SLC22A13: variants seen among roughly 807,000 people sequenced by gnomAD.
SLC22A13 encodes the protein solute carrier family 22 member 13.
A neutral mutation model predicts 49.1 loss-of-function variants in SLC22A13; 42 were observed. That is an observed-to-expected ratio of 0.85 (90% confidence interval 0.67 to 1.11). The LOEUF (loss-of-function observed/expected upper bound fraction) is 1.11. Ranked by LOEUF, SLC22A13 falls within the 50% of genes least tolerant of loss-of-function variation. The probability of loss-of-function intolerance (pLI) is 0.00; values close to 1 mark genes in which losing one functional copy is unlikely to be tolerated. For missense variants in SLC22A13, 694 were observed against 712.8 expected (o/e 0.97, Z 0.30); for synonymous variants, 282 against 293.1 (o/e 0.96, Z 0.39).
Position 38,277,633 on chromosome 3 carries a change from TG to T in SLC22A13, c.*171del. 1 of 549,522 alleles carries T rather than the reference TG, an allele frequency of 1.8e-6. No individual in the cohort carries two copies. The highest frequency in any genetic ancestry group is 3.0e-5 in the East Asian group (1 of 32,874). The allele number at this position is 549,522 out of a possible 1,614,324, so 34.0% of individuals were successfully genotyped here. On this transcript the variant is annotated 3_prime_UTR_variant, in exon 10 of 10. Transcript: ENST00000311856. ...CCTCCTGCCGAGTCCAATCCCAGAC[TG>T]GGAACCACCATCTGAGACAGGACCT... is the stretch of plus-strand genomic sequence containing the variant.
rs752503945 is a variant in SLC22A13 at position 38,275,570 on chromosome 3, C to T, written c.928-8C>T. On this transcript the variant is annotated splice_region_variant and splice_polypyrimidine_tract_variant and intron_variant, in intron 5 of 9. Coordinates refer to ENST00000311856, the MANE Select transcript of SLC22A13 (RefSeq NM_004256.4). The stretch of plus-strand genomic sequence containing the variant: ...TGCCTGGCTTCTCACTCTGCTTCTT[C>T]CTCCCAGCTGGTCCCAGAGAAGACA... 1.8e-5 allele frequency: 29 copies of T among 1,613,940 alleles called. No homozygotes were observed. The South Asian group carries it at 3.2e-4, about 18-fold the overall frequency.
intron 1 of SLC22A13, among the ~76,000 whole-genome samples, chr3:38,273,115 G>A (rs1703538940): frequency 6.6e-6 from 1 of 152,156 alleles, no homozygotes; most frequent in African/African-American, 2.4e-5. Flanking sequence ...CTCACATGAC[G>A]GTTCCCCAAC....
intron 1 of SLC22A13, 118 bp downstream of exon 1, chr3:38,266,356 G>A: frequency 1.7e-6 from 2 of 1,170,344 alleles, no homozygotes; most frequent in Non-Finnish European, 2.4e-6. Context: ...GGTCAACCAT[G>A]GGCACATATG....
In SLC22A13 at chr3:38,274,630, C is replaced by A. The variant is rs751044530; in HGVS notation, c.509C>A (p.Ala170Glu). The change falls in exon 3 of 10, where the codon GCG (alanine) becomes GAG (glutamate). Residue 170 changes from alanine to glutamate, a missense_variant. Ala to Glu is a moderately radical substitution (Grantham distance 107). Transcript: ENST00000311856. Reference protein sequence around the residue: ...DRIGRKATILAQLLLFTLIGL... With the variant: ...DRIGRKATILEQLLLFTLIGL... ...ATTGGCCGCAAGGCCACAATCCTGGCGCAGCTGCTCCTCTTCACCCTCATC... is the reference window on the plus strand; with the variant it reads ...ATTGGCCGCAAGGCCACAATCCTGGAGCAGCTGCTCCTCTTCACCCTCATC... 15 of 1,613,946 alleles carry A rather than the reference C, an allele frequency of 9.3e-6. No individual in the cohort carries two copies. The highest frequency in any genetic ancestry group is 1.7e-4 in the Middle Eastern group (1 of 6,056).
intron 1 of SLC22A13, among the ~76,000 whole-genome samples, chr3:38,271,700 C>G (rs932101884): frequency 2.0e-5 from 3 of 152,062 alleles, no homozygotes; most frequent in Non-Finnish European, 4.4e-5. Flanking sequence ...AAAGAACAAC[C>G]ATTTCTGGGG....
intron 1 of SLC22A13, chr3:38,270,497 A>G (rs1703508697): frequency 9.2e-6 from 2 of 216,464 alleles, no homozygotes; most frequent in Non-Finnish European, 9.9e-6. Flanking sequence ...TTTCTTTCAC[A>G]TTTTTGAATG....
chr3:38,276,215 A>G (rs1159600423), intron 7 of SLC22A13, 72 bp from the exon 8 acceptor site: 1 of 1,494,364 alleles, frequency 6.7e-7, no homozygotes, highest in Non-Finnish European at 9.2e-7. Context: ...TTGGGTACAG[A>G]AGGGGTGGGG....
rs755410164 is a variant in SLC22A13 at position 38,275,694 on chromosome 3, A to G, written c.1022+22A>G. On this transcript the variant is annotated intron_variant, in intron 6 of 9. Transcript: ENST00000311856. ...TCTGGTGAGTGCCCAGAACCCGAGG[A>G]CAGAACCACAGGGCTGCAGCCTCCC... is the stretch of plus-strand genomic sequence containing the variant. 6 of 1,608,062 alleles carry G rather than the reference A, an allele frequency of 3.7e-6. No homozygotes were observed. In the African/African-American group the frequency reaches 6.7e-5, roughly 18 times the overall value.
chr3:38,277,009 A>G lies in SLC22A13; in HGVS notation c.1444A>G (p.Met482Val). ...LLGEYHAALP[M>V]LIYGSLPIVA... ...GGGAGAGTACCACGCTGCCCTCCCC[A>G]TGCTCATCTACGGCAGCCTCCCCAT... Residue 482 changes from methionine to valine, a missense_variant, in exon 9 of 10, where the codon ATG (methionine) becomes GTG (valine). Physicochemically the swap from Met to Val is conservative, Grantham distance 21 (BLOSUM62 1). Transcript: ENST00000311856. 3 of 1,610,658 alleles carry G rather than the reference A, an allele frequency of 1.9e-6. No individual in the cohort carries two copies. Among genetic ancestry groups the G allele is most frequent in the Non-Finnish European group, 2.5e-6 (3 of 1,178,572 alleles).
rs746697760 is a variant in SLC22A13, at chr3:38,276,386, C to A, written c.1337C>A (p.Thr446Asn). The A allele has an allele frequency of 2.5e-6, 4 of 1,608,422 alleles. No individual in the cohort carries two copies. The highest frequency in any genetic ancestry group is 1.7e-6 in the Non-Finnish European group (2 of 1,176,150). The change falls in exon 8 of 10, where the codon ACC becomes AAC. Residue 446 changes from threonine to asparagine, a missense_variant. Physicochemically the swap from Thr to Asn is moderately conservative, Grantham distance 65 (BLOSUM62 0). Transcript: ENST00000311856. Reference protein sequence around the residue: ...SYVYSAELFPTILRQTGMGLV... With the variant: ...SYVYSAELFPNILRQTGMGLV... ...GTGTACTCTGCCGAGCTTTTCCCCA[C>A]CATCCTCCGGTAAGAGCTGCAGTGT...
In SLC22A13 at chr3:38,265,920, G is replaced by A. The variant is rs760415018; in HGVS notation, c.60G>A (p.Gln20=). ...GTGACTTTGGTCGCTTCCAGATACA[G>A]CTATTGATCCTGCTGTGTGTTCTCA... is the stretch of plus-strand genomic sequence containing the variant. ...EIGDFGRFQI[Q]LLILLCVLNF... is the part of the protein sequence containing the mutation. Residue 20 remains glutamine (Q), a synonymous_variant, in exon 1 of 10, where the codon CAG becomes CAA. Coordinates refer to ENST00000311856, the MANE Select transcript of SLC22A13 (RefSeq NM_004256.4). 5 of 1,614,110 alleles carry A rather than the reference G, an allele frequency of 3.1e-6. No homozygotes were observed. Among genetic ancestry groups the A allele is most frequent in the Non-Finnish European group, 4.2e-6 (5 of 1,179,980 alleles).
intron 2 of SLC22A13, 114 bp downstream of exon 2, chr3:38,274,489 A>G: frequency 7.0e-7 from 1 of 1,435,264 alleles, no homozygotes; most frequent in Non-Finnish European, 9.7e-7. Flanking sequence ...TCTTCCCCCT[A>G]CCCTCAAATG....
In SLC22A13 at chr3:38,276,982, C is replaced by T. The variant is rs1378374254; in HGVS notation, c.1417C>T (p.Leu473=). ...CATCCTCACACCACTTGTGATCCTG[C>T]TGGGAGAGTACCACGCTGCCCTCCC... is the stretch of plus-strand genomic sequence containing the variant. ...GGILTPLVIL[L]GEYHAALPML... The change falls in exon 9 of 10, where the codon CTG becomes TTG. Residue 473 remains leucine (L), a synonymous_variant. Transcript: ENST00000311856. 3.1e-6 allele frequency: 5 copies of T among 1,613,484 alleles called. No homozygotes were observed. The highest frequency in any genetic ancestry group is 4.2e-6 in the Non-Finnish European group (5 of 1,179,796).
At position 38,275,074 on chromosome 3, in the gene SLC22A13, G is replaced by A. The variant is rs749694168; in HGVS notation, c.723G>A (p.Ala241=). 2.2e-5 allele frequency: 35 copies of A among 1,614,122 alleles called. No homozygotes were observed. The highest frequency in any genetic ancestry group is 5.0e-5 in the Admixed American group (3 of 60,010). The stretch of plus-strand genomic sequence containing the variant: ...TCTCCCTCGGGCAGATGGTGCTTGC[G>A]GGACTCGCCTACGGTTTCCGCAACT... The part of the protein sequence containing the change: ...CNFSLGQMVL[A]GLAYGFRNWR... Residue 241 remains alanine (A), a synonymous_variant, in exon 4 of 10, where the codon GCG becomes GCA. Transcript: ENST00000311856.
Position 38,275,999 on chromosome 3 carries a change from C to T in SLC22A13, c.1140C>T (p.Ser380=), listed in dbSNP as rs143239250. The T allele has an allele frequency of 7.7e-5, 124 of 1,614,094 alleles. No individual in the cohort carries two copies. The highest frequency in any genetic ancestry group is 9.5e-5 in the Non-Finnish European group (112 of 1,180,036). ...GAVEVPARCS[S]IFMMQRFGRK... ...TTGAGGTGCCTGCCCGCTGTTCCAG[C>T]ATCTTCATGATGCAGAGGTTTGGCC... Residue 380 remains serine (S), a synonymous_variant, in exon 7 of 10, where the codon AGC becomes AGT. Transcript: ENST00000311856.
intron 1 of SLC22A13, among the ~76,000 whole-genome samples, chr3:38,272,578 C>A (rs2125863304): frequency 6.6e-6 from 1 of 152,338 alleles, no homozygotes; most frequent in East Asian, 1.9e-4. Flanking sequence ...CAAAGGCAAT[C>A]TGTGGCTGCT....
chr3:38,274,122 T>C, intron 1 of SLC22A13, 150 bp from the exon 2 acceptor site: 1 of 631,674 alleles, frequency 1.6e-6, no homozygotes, highest in Non-Finnish European at 2.9e-6. Flanking sequence ...CCTGCCATGC[T>C]CAGTGAGTTC....
intron 1 of SLC22A13, among the ~76,000 whole-genome samples, chr3:38,272,057 T>A (rs1266621485): frequency 6.6e-6 from 1 of 152,216 alleles, no homozygotes; most frequent in African/African-American, 2.4e-5. Context: ...AGCTCAGGCA[T>A]ATCTCGGCGC....
Position 38,275,031 on chromosome 3 carries a change from T to A in SLC22A13, c.680T>A (p.Val227Asp). The A allele has an allele frequency of 6.2e-7, 1 of 1,614,222 alleles. No individual in the cohort carries two copies. Among genetic ancestry groups the A allele is most frequent in the Admixed American group, 1.7e-5 (1 of 60,034 alleles). The change falls in exon 4 of 10, where the codon GTC becomes GAC. Residue 227 changes from valine to aspartate, a missense_variant. Val to Asp is a radical substitution (Grantham distance 152). Coordinates refer to ENST00000311856, the MANE Select transcript of SLC22A13 (RefSeq NM_004256.4). ...VGPSWRTQAVVLAQCNFSLGQ... is the reference protein window; with the variant it reads ...VGPSWRTQAVDLAQCNFSLGQ... ...CCCTCATGGAGGACGCAGGCCGTGG[T>A]CCTGGCCCAGTGCAACTTCTCCCTC...
Sources: allele counts gnomAD v4.1 joint callset (sites outside exome capture counted in the v4.1 genomes callset), GRCh38; gene constraint gnomAD v4.1.1; transcripts MANE v1.5; gene names NCBI Gene and HGNC (gene_info 2026-07-23, HGNC 2026-07-21).